The following NPTN variants were observed in gnomAD, a reference collection of about 807,000 sequenced individuals.
The protein encoded by NPTN is SDR-1.
In NPTN, 5 loss-of-function variants were observed where a neutral mutation model predicts 42.7. That is an observed-to-expected ratio of 0.12 (90% confidence interval 0.06 to 0.25). The LOEUF is 0.25. Ranked by LOEUF, NPTN falls within the 10% of genes least tolerant of loss-of-function variation. NPTN has a pLI of 1.00. For missense variants in NPTN, 307 were observed against 525.4 expected (o/e 0.58, Z 4.06); for synonymous variants, 180 against 201.9 (o/e 0.89, Z 0.92).
rs375188498 is a variant in NPTN, at chr15:73,597,002, C to G, written c.439+20G>C. On this transcript the variant is annotated intron_variant, in intron 2 of 8. Transcript: ENST00000345330. This position sits in a 1 kb window ranked among gnomAD's most constrained non-coding sequence, Gnocchi z 6.3. Reference sequence around the variant, plus strand: ...ACCTCTAATGACTACAGTACTACTACTGTAGGGTGCTGGACTCACTCTGAA... The same window carrying G: ...ACCTCTAATGACTACAGTACTACTAGTGTAGGGTGCTGGACTCACTCTGAA... 49 of 1,599,974 alleles carry G rather than the reference C, an allele frequency of 3.1e-5. No homozygotes were observed. The highest frequency in any genetic ancestry group is 4.2e-5 in the Non-Finnish European group (49 of 1,170,348).
At chr15:73,604,399 C>A (rs1445534536) in intron 1 of NPTN, among the ~76,000 whole-genome samples, 1 of 152,112 alleles carries the variant, frequency 6.6e-6, no homozygotes, top group African/African-American at 2.4e-5. Flanking sequence ...GAGGCTGCAG[C>A]ATGCTGGGGT....
At position 73,633,352 on chromosome 15, in the gene NPTN, T is replaced by C. The variant is rs1160035189; in HGVS notation, c.-137A>G. The C allele has an allele frequency of 3.5e-6, 2 of 569,058 alleles. No homozygotes were observed. The highest frequency in any genetic ancestry group is 5.6e-6 in the Non-Finnish European group (2 of 355,378). 35.3% of individuals were successfully genotyped at this position (569,058 alleles called of 1,614,324 possible). A position where few individuals can be genotyped will look rare whatever the true frequency, so the allele number is the denominator to read the frequency against. The stretch of plus-strand genomic sequence containing the variant: ...GGCAGCCGCGGCTCGGCTCCGTCCT[T>C]CCCCGTCCTCCTCCTGCCGCCGCAG... On this transcript the variant is annotated 5_prime_UTR_variant, in exon 1 of 9. Coordinates refer to ENST00000345330, the MANE Select transcript of NPTN (RefSeq NM_012428.4).
At chr15:73,608,345 T>C (rs1158530515) in intron 1 of NPTN, among the ~76,000 whole-genome samples, 1 of 152,126 alleles carries the variant, frequency 6.6e-6, no homozygotes, top group African/African-American at 2.4e-5. Flanking sequence ...TAAAAAATAA[T>C]TTTGTTGGAC....
At position 73,569,394 on chromosome 15, in the gene NPTN, T is replaced by C; in HGVS notation, c.1114+756A>G. On this transcript the variant is annotated intron_variant, in intron 6 of 8. Coordinates refer to ENST00000345330, the MANE Select transcript of NPTN (RefSeq NM_012428.4). This position sits in a 1 kb window ranked among gnomAD's most constrained non-coding sequence, Gnocchi z 4.1. ...CTCTTTCCAGTGCTCAGTGGTGTGC[T>C]GTGGTTCTGCTGCTACCATCTCCTC... 1 of 985,646 alleles carries C rather than the reference T, an allele frequency of 1.0e-6. No homozygotes were observed. The highest frequency in any genetic ancestry group is 1.2e-6 in the Non-Finnish European group (1 of 830,094). The allele number at this position is 985,646 out of a possible 1,614,324, so 61.1% of individuals were successfully genotyped here. A position where few individuals can be genotyped will look rare whatever the true frequency, so the allele number is the denominator to read the frequency against.
At chr15:73,564,482 C>CA (rs1249798588) in intron 6 of NPTN, among the ~76,000 whole-genome samples, 2 of 151,730 alleles carry the variant, frequency 1.3e-5, no homozygotes, top group African/African-American at 2.4e-5. Flanking sequence ...AAAAGGATTT[C>CA]AAAAAAAAGA....
rs1894567255 is a variant in NPTN at position 73,560,046 on chromosome 15, G to C, written c.*1017C>G. 3 of 838,448 alleles carry C rather than the reference G, an allele frequency of 3.6e-6. No homozygotes were observed. The highest frequency in any genetic ancestry group is 2.2e-5 in the South Asian group (1 of 45,348). 51.9% of individuals were successfully genotyped at this position (838,448 alleles called of 1,614,324 possible). A position where few individuals can be genotyped will look rare whatever the true frequency, so the allele number is the denominator to read the frequency against. ...TATCAATGTTTTATTTTTAAAAACAGGTGAATCCACTTTTTTATACATCAT... is the reference window on the plus strand; with the variant it reads ...TATCAATGTTTTATTTTTAAAAACACGTGAATCCACTTTTTTATACATCAT... On this transcript the variant is annotated 3_prime_UTR_variant, in exon 9 of 9. Coordinates refer to ENST00000345330, the MANE Select transcript of NPTN (RefSeq NM_012428.4).
chr15:73,614,867 T>C lies in NPTN; in HGVS notation c.92-17498A>G, dbSNP rs1897786252. Among the ~76,000 whole-genome samples, 8 of 152,310 alleles carry C rather than the reference T, an allele frequency of 5.3e-5. No individual in the cohort carries two copies. The South Asian group carries it at 1.2e-3, about 24-fold the overall frequency. The stretch of plus-strand genomic sequence containing the variant: ...ATATCAACAGAATCATATTAATACA[T>C]TCTAAAAGACTAGACTTTGTTATAT... On this transcript the variant is annotated intron_variant, in intron 1 of 8. Coordinates refer to ENST00000345330, the MANE Select transcript of NPTN (RefSeq NM_012428.4).
At chr15:73,583,013 A>AC (rs1382319087) in intron 4 of NPTN, among the ~76,000 whole-genome samples, 1 of 152,164 alleles carries the variant, frequency 6.6e-6, no homozygotes, top group East Asian at 1.9e-4. Flanking sequence ...TACTTAACAA[A>AC]CCCCCATATA....
intron 4 of NPTN, among the ~76,000 whole-genome samples, chr15:73,575,403 C>T (rs573984198): frequency 5.5e-4 from 84 of 152,372 alleles, no homozygotes; most frequent in African/African-American, 2.0e-3. Flanking sequence ...AGGCGTGAGC[C>T]ACCACGCCCA....
At position 73,564,104 on chromosome 15, in the gene NPTN, A is replaced by G. The variant is rs144763211; in HGVS notation, c.1115-847T>C. Among the ~76,000 whole-genome samples, 652 of 152,316 alleles carry G rather than the reference A, an allele frequency of 4.3e-3. 7 individuals carry two copies. Among genetic ancestry groups the G allele is most frequent in the African/African-American group, 0.015 (619 of 41,560 alleles). Reference sequence around the variant, plus strand: ...CTGATTTATAAGTCTTTCGTGTTTCAACTAAGTGCAACTTGATCCCCTTTA... The same window carrying G: ...CTGATTTATAAGTCTTTCGTGTTTCGACTAAGTGCAACTTGATCCCCTTTA... On this transcript the variant is annotated intron_variant, in intron 6 of 8. Coordinates refer to ENST00000345330, the MANE Select transcript of NPTN (RefSeq NM_012428.4).
chr15:73,631,040 A>G (rs1284593683), intron 1 of NPTN, among the ~76,000 whole-genome samples: 2 of 152,228 alleles, frequency 1.3e-5, no homozygotes, highest in Non-Finnish European at 2.9e-5. Context: ...AGGCCGTTCT[A>G]TGCTGTATTT....
intron 1 of NPTN, among the ~76,000 whole-genome samples, chr15:73,599,233 A>T (rs1276486953): frequency 6.6e-6 from 1 of 152,146 alleles, no homozygotes; most frequent in Non-Finnish European, 1.5e-5. Flanking sequence ...CTCACTGCCC[A>T]ATAAAGTGGT....
chr15:73,623,780 A>T (rs1381425170), intron 1 of NPTN, among the ~76,000 whole-genome samples: 2 of 152,198 alleles, frequency 1.3e-5, no homozygotes, highest in Non-Finnish European at 2.9e-5. Context: ...TGAGCTTCTA[A>T]ACAAGCACAG....
chr15:73,602,153 G>T (rs1897109566), intron 1 of NPTN, among the ~76,000 whole-genome samples: 1 of 112,970 alleles, frequency 8.9e-6, no homozygotes, highest in Non-Finnish European at 1.8e-5. Flanking sequence ...AGACTATCAT[G>T]ATTTTTCACA....
intron 3 of NPTN, among the ~76,000 whole-genome samples, chr15:73,588,906 T>C (rs1048211206): frequency 2.0e-5 from 3 of 152,316 alleles, no homozygotes; most frequent in African/African-American, 7.2e-5. Flanking sequence ...CCATACCGAG[T>C]ACCTAGCCTG....
At chr15:73,596,055 T>C (rs1896821776) in intron 2 of NPTN, among the ~76,000 whole-genome samples, 1 of 152,190 alleles carries the variant, frequency 6.6e-6, no homozygotes, top group South Asian at 2.1e-4. Flanking sequence ...GTTCCCATGC[T>C]CTGGGATAAG....
chr15:73,567,450 G>A (rs1009092525), intron 6 of NPTN: 2 of 985,226 alleles, frequency 2.0e-6, no homozygotes, highest in Non-Finnish European at 2.4e-6. Context: ...GTACCTCTTC[G>A]TTTATTCCAA....
At chr15:73,580,787 C>T (rs1428947814) in intron 4 of NPTN, among the ~76,000 whole-genome samples, 1 of 151,848 alleles carries the variant, frequency 6.6e-6, no homozygotes, top group African/African-American at 2.4e-5. Context: ...AACCTATTTA[C>T]CTGTCAGACT....
intron 1 of NPTN, among the ~76,000 whole-genome samples, chr15:73,608,994 A>G (rs1424126318): frequency 6.6e-6 from 1 of 152,192 alleles, no homozygotes. Flanking sequence ...GGGAATCATC[A>G]GCTTATGGAC....
Sources: gnomAD v4.1 joint callset for allele counts (sites outside exome capture counted in the v4.1 genomes callset) on GRCh38, gnomAD v4.1.1 for gene constraint, Gnocchi (gnomAD v3.1) non-coding constraint, MANE v1.5 for transcripts, NCBI Gene and HGNC (gene_info 2026-07-23, HGNC 2026-07-21) for gene names.